The following HERC1 variants were observed in gnomAD, a reference collection of about 807,000 sequenced individuals.
The protein encoded by HERC1 is HECT and RLD domain containing E3 ubiquitin protein ligase family member 1.
In HERC1, 160 loss-of-function variants were observed where a neutral mutation model predicts 554.3. The ratio of observed to expected loss-of-function variants is 0.29; its 90% CI spans 0.25 to 0.33. The LOEUF (loss-of-function observed/expected upper bound fraction) is 0.33, where lower values mean the gene tolerates loss of function less well. Among genes scored for constraint, HERC1 ranks in the 10% least tolerant of loss-of-function variants. The probability of loss-of-function intolerance (pLI) is 1.00; values close to 1 mark genes in which losing one functional copy is unlikely to be tolerated. For missense variants in HERC1, 4,919 were observed against 5,918.5 expected (o/e 0.83, Z 5.54); for synonymous variants, 2,175 against 2,131.7 (o/e 1.02, Z -0.56).
At position 63,632,834 on chromosome 15, in the gene HERC1, A is replaced by G. The variant is rs1332574356; in HGVS notation, c.12694-23T>C. 12 of 1,467,270 alleles carry G rather than the reference A, an allele frequency of 8.2e-6. No individual in the cohort carries two copies. In the East Asian group the frequency reaches 2.5e-4, roughly 30 times the overall value. 90.9% of individuals were successfully genotyped at this position (1,467,270 alleles called of 1,614,324 possible). On this transcript the variant is annotated intron_variant, in intron 67 of 77. Transcript: ENST00000443617. ...TTTCTACAAAATAAAAGTGTAAGGC[A>G]CACAACTTTAAGAAGAAAAAAAATC... is the stretch of plus-strand genomic sequence containing the variant.
chr15:63,803,017 C>T (rs1011108576), intron 1 of HERC1, among the ~76,000 whole-genome samples: 4 of 152,028 alleles, frequency 2.6e-5, no homozygotes, highest in Non-Finnish European at 5.9e-5. Context: ...TGAGACTAGC[C>T]TGGGTGACAT....
At chr15:63,690,182 A>AG (rs906729703) in intron 32 of HERC1, among the ~76,000 whole-genome samples, 1 of 151,736 alleles carries the variant, frequency 6.6e-6, no homozygotes, top group Non-Finnish European at 1.5e-5. Flanking sequence ...AAAAAAAAAA[A>AG]AAAGAAATAT....
Position 63,725,423 on chromosome 15 carries a change from G to A in HERC1, c.3437C>T (p.Ala1146Val). ...ACCAAGACACCGCCCAATAAGGAGAGCAATTGTTCTTTCTAGATCCACAAG... is the reference window on the plus strand; with the variant it reads ...ACCAAGACACCGCCCAATAAGGAGAACAATTGTTCTTTCTAGATCCACAAG... The part of the protein sequence containing the change: ...VWLVDLERTI[A>V]LLIGRCLGGM... Residue 1146 changes from alanine to valine, a missense_variant, in exon 18 of 78, where the codon GCT (alanine) becomes GTT (valine). Around this residue, in one of 11 missense-constraint regions of HERC1, gnomAD observed 1,121 missense variants for 1,244.0 expected, o/e 0.90. Coordinates refer to ENST00000443617, the MANE Select transcript of HERC1 (RefSeq NM_003922.4). 1.2e-6 allele frequency: 2 copies of A among 1,613,888 alleles called. No homozygotes were observed. The highest frequency in any genetic ancestry group is 8.5e-7 in the Non-Finnish European group (1 of 1,179,858).
rs759412132 is a variant in HERC1 at position 63,616,528 on chromosome 15, G to T, written c.13843C>A (p.Leu4615Ile). The part of the protein sequence containing the change: ...WKQLCCVPLT[L>I]EDLEEVDLLY... Reference sequence around the variant, plus strand: ...AGATCCACCTCCTCCAGGTCCTCTAGGGTGAGTGGGACACAGCACAGCTGC... The same window carrying T: ...AGATCCACCTCCTCCAGGTCCTCTATGGTGAGTGGGACACAGCACAGCTGC... Residue 4615 changes from leucine to isoleucine, a missense_variant, in exon 75 of 78, where the codon CTA (leucine) becomes ATA (isoleucine). Leu to Ile is a conservative substitution (Grantham distance 5). Transcript: ENST00000443617. The T allele has an allele frequency of 3.8e-5, 62 of 1,613,846 alleles. No homozygotes were observed. The highest frequency in any genetic ancestry group is 5.1e-5 in the Non-Finnish European group (60 of 1,179,896).
Position 63,680,233 on chromosome 15 carries a change from T to A in HERC1, c.6466-73A>T. On this transcript the variant is annotated intron_variant, in intron 35 of 77. Transcript: ENST00000443617. This position sits in a 1 kb window ranked among gnomAD's most constrained non-coding sequence, Gnocchi z 5.8. ...TTTAATTCACAATATCTAACCACAT[T>A]AGAATTGAAAGCTTTTATGAGACAG... 8.7e-7 allele frequency: 1 copy of A among 1,146,026 alleles called. No homozygotes were observed. Among genetic ancestry groups the A allele is most frequent in the South Asian group, 1.3e-5 (1 of 74,332 alleles). The allele number at this position is 1,146,026 out of a possible 1,614,324, so 71.0% of individuals were successfully genotyped here.
chr15:63,833,751 GCGCACACA>G (rs1476086680), intron 1 of HERC1, 68 bp downstream of exon 1: 1,530 of 72,298 alleles, frequency 0.021, 52 homozygotes, highest in African/African-American at 0.064. Context: ...ACACGCGCGC[GCGCACACA>G]CACACACACA....
intron 14 of HERC1, among the ~76,000 whole-genome samples, chr15:63,732,305 G>A (rs564365132): frequency 3.2e-4 from 49 of 152,190 alleles, no homozygotes; most frequent in African/African-American, 1.2e-3. Context: ...CTGGCCTGAA[G>A]GGGTTTTAAT....
At chr15:63,793,003 G>A (rs527736525) in intron 1 of HERC1, among the ~76,000 whole-genome samples, 1 of 152,164 alleles carries the variant, frequency 6.6e-6, no homozygotes, top group Non-Finnish European at 1.5e-5. Context: ...TACATTTATG[G>A]GTTTATAATA....
intron 12 of HERC1, among the ~76,000 whole-genome samples, chr15:63,739,116 C>T (rs2074675990): frequency 6.6e-6 from 1 of 151,004 alleles, no homozygotes; most frequent in Admixed American, 6.6e-5. Context: ...ATCTTCATTA[C>T]TACCAAAAGA....
chr15:63,609,104 C>T lies in HERC1; in HGVS notation c.14563G>A (p.Glu4855Lys). The T allele has an allele frequency of 6.2e-7, 1 of 1,613,672 alleles. No homozygotes were observed. The highest frequency in any genetic ancestry group is 1.1e-5 in the South Asian group (1 of 90,976). ...YMLSRNVDNA[E>K]GSDTDY ...GGTCAGTAGTCAGTGTCGGAGCCCT[C>T]GGCGTTGTCCACGTTTCTCGAGAGC... is the stretch of plus-strand genomic sequence containing the variant. The change falls in exon 78 of 78, where the codon GAG becomes AAG. Residue 4855 changes from glutamate (E) to lysine (K), a missense_variant. By Grantham distance (56) the Glu-to-Lys change is moderately conservative. This residue lies in a region of HERC1 where 71 missense variants were observed against 101.4 expected (regional missense o/e 0.70). Coordinates refer to ENST00000443617, the MANE Select transcript of HERC1 (RefSeq NM_003922.4).
chr15:63,812,482 C>T (rs1276351596), intron 1 of HERC1, among the ~76,000 whole-genome samples: 1 of 152,194 alleles, frequency 6.6e-6, no homozygotes, highest in Non-Finnish European at 1.5e-5. Context: ...ACACAACACA[C>T]TGAAGTCACA....
At chr15:63,681,065 G>C (rs1359388406) in intron 34 of HERC1, among the ~76,000 whole-genome samples, 1 of 152,144 alleles carries the variant, frequency 6.6e-6, no homozygotes, top group Admixed American at 6.5e-5. Context: ...AGTATGTTTA[G>C]TCCAGAAATT....
At position 63,626,073 on chromosome 15, in the gene HERC1, G is replaced by T; in HGVS notation, c.13187C>A (p.Thr4396Lys). The T allele has an allele frequency of 6.2e-7, 1 of 1,613,594 alleles. No individual in the cohort carries two copies. Among genetic ancestry groups the T allele is most frequent in the Non-Finnish European group, 8.5e-7 (1 of 1,179,710 alleles). Residue 4396 changes from threonine to lysine, a missense_variant, in exon 71 of 78, where the codon ACG (threonine) becomes AAG (lysine). By Grantham distance (78) the Thr-to-Lys change is moderately conservative. Transcript: ENST00000443617. Reference sequence around the variant, plus strand: ...GAGCAGCCGGAGCCTGGCCCGCACCGTGTGAATGCTGACTTCTCTCAGCGC... The same window carrying T: ...GAGCAGCCGGAGCCTGGCCCGCACCTTGTGAATGCTGACTTCTCTCAGCGC... ...YGALREVSIHTVRARLRLLYH... is the reference protein window; with the variant it reads ...YGALREVSIHKVRARLRLLYH...
chr15:63,667,187 A>G (rs971617738), intron 40 of HERC1, among the ~76,000 whole-genome samples: 6 of 152,256 alleles, frequency 3.9e-5, no homozygotes, highest in African/African-American at 7.2e-5. Flanking sequence ...AAGATGCACA[A>G]AACAAGATTA....
intron 16 of HERC1, 92 bp downstream of exon 16, chr15:63,729,144 C>A: frequency 8.6e-7 from 1 of 1,158,012 alleles, no homozygotes; most frequent in South Asian, 1.7e-5. Context: ...CATTCCTATT[C>A]CAGAGGCTTC....
chr15:63,690,486 G>A, intron 32 of HERC1, 55 bp downstream of exon 32: 1 of 1,135,952 alleles, frequency 8.8e-7, no homozygotes, highest in Non-Finnish European at 1.3e-6. Context: ...ACAGATTTGG[G>A]TGAATCATTT....
intron 57 of HERC1, 120 bp downstream of exon 57, chr15:63,644,872 C>A: frequency 1.5e-6 from 1 of 678,858 alleles, no homozygotes; most frequent in Non-Finnish European, 2.6e-6. Context: ...ACTTATATTT[C>A]CCAATGGATC....
chr15:63,736,384 C>T (rs1247359774), intron 12 of HERC1, among the ~76,000 whole-genome samples: 4 of 152,200 alleles, frequency 2.6e-5, no homozygotes, highest in East Asian at 3.8e-4. Flanking sequence ...TCTTTTTCCT[C>T]ACCAGAAGAC....
At chr15:63,820,010 A>G (rs1020972341) in intron 1 of HERC1, among the ~76,000 whole-genome samples, 1 of 152,242 alleles carries the variant, frequency 6.6e-6, no homozygotes, top group Non-Finnish European at 1.5e-5. Context: ...CACAAAAATG[A>G]TGACTAAATG....
Sources: gnomAD v4.1 joint callset for allele counts (sites outside exome capture counted in the v4.1 genomes callset) on GRCh38, gnomAD v4.1.1 for gene constraint, gnomAD v4.1.1 regional missense constraint, Gnocchi (gnomAD v3.1) non-coding constraint, MANE v1.5 for transcripts, NCBI Gene and HGNC (gene_info 2026-07-23, HGNC 2026-07-21) for gene names.